Variants in ASAP2 observed in about 807,000 individuals in gnomAD.
ASAP2 encodes the protein ArfGAP with SH3 domain, ankyrin repeat and PH domain 2.
Under a neutral mutation model 131.4 loss-of-function variants are expected in ASAP2, and 45 were observed. The observed-to-expected ratio is 0.34, with a 90% confidence interval of 0.27 to 0.44. ASAP2 has a LOEUF of 0.44. Ranked by LOEUF, ASAP2 falls within the 20% of genes least tolerant of loss-of-function variation. The pLI, the probability that ASAP2 is intolerant of heterozygous loss-of-function variation, is 1.00. For synonymous variants in ASAP2, 510 were observed against 503.0 expected, an observed-to-expected ratio of 1.01 and a Z score of -0.19; for missense variants, 1,011 against 1,297.0, an observed-to-expected ratio of 0.78 and a Z score of 3.39.
chr2:9,400,590 C>G (rs1676578515), intron 25 of ASAP2, 152 bp from the exon 26 acceptor site: 3 of 693,374 alleles, frequency 4.3e-6, no homozygotes, highest in East Asian at 2.7e-5. Flanking sequence ...TCTCCAAGGT[C>G]TGCATCCAAG....
intron 1 of ASAP2, among the ~76,000 whole-genome samples, chr2:9,278,316 C>A (rs1666887017): frequency 6.6e-6 from 1 of 151,932 alleles, no homozygotes; most frequent in Non-Finnish European, 1.5e-5. Flanking sequence ...AGTTTGAGAC[C>A]ATCCTGTCTA....
intron 24 of ASAP2, among the ~76,000 whole-genome samples, chr2:9,397,727 G>GATATATATATATATATATAT (rs200560260): frequency 7.2e-5 from 6 of 83,526 alleles, no homozygotes; most frequent in African/African-American, 4.6e-4. Context: ...AAATCAAAAG[G>GATATATATATATATATATAT]ATATATATAT....
chr2:9,293,710 G>A (rs1667968681), intron 2 of ASAP2, among the ~76,000 whole-genome samples: 1 of 152,166 alleles, frequency 6.6e-6, no homozygotes, highest in South Asian at 2.1e-4. Context: ...CGTGCTAGGT[G>A]TTAGAGGAAG....
At position 9,391,208 on chromosome 2, in the gene ASAP2, T is replaced by G. The variant is rs554885506; in HGVS notation, c.2518+12T>G. The G allele has an allele frequency of 6.2e-6, 10 of 1,604,934 alleles. No individual in the cohort carries two copies. The highest frequency in any genetic ancestry group is 1.3e-5 in the African/African-American group (1 of 74,778). On this transcript the variant is annotated intron_variant, in intron 23 of 27. Transcript: ENST00000281419. ...CGTGACATCTACCAGTACGTTTTTTTCCTTTTTCCTTTCTTGCCCGTGGGC... is the reference window on the plus strand; with the variant it reads ...CGTGACATCTACCAGTACGTTTTTTGCCTTTTTCCTTTCTTGCCCGTGGGC...
chr2:9,224,387 A>T (rs1277026502), intron 1 of ASAP2, among the ~76,000 whole-genome samples: 1 of 152,238 alleles, frequency 6.6e-6, no homozygotes, highest in African/African-American at 2.4e-5. Flanking sequence ...GAATCCCAAC[A>T]TGATGCCTAG....
At chr2:9,346,621 G>A (rs538933873) in intron 11 of ASAP2, among the ~76,000 whole-genome samples, 13 of 152,236 alleles carry the variant, frequency 8.5e-5, no homozygotes, top group Non-Finnish European at 1.5e-4. Context: ...GTTTGCTTTC[G>A]AATTGGTGTC....
intron 2 of ASAP2, among the ~76,000 whole-genome samples, chr2:9,292,636 A>G (rs77097987): frequency 0.039 from 6,006 of 152,218 alleles, 295 homozygotes; most frequent in African/African-American, 0.11. Flanking sequence ...CTCCTTCTCT[A>G]CTCGACAAGT....
In ASAP2 at chr2:9,250,358, T is replaced by A. The variant is rs796113532; in HGVS notation, c.127-28959T>A. Reference sequence around the variant, plus strand: ...GAGGGGAAAGAACACGACATGTGAATACACAGCTGTCCCTAGGGCTCCTGG... The same window carrying A: ...GAGGGGAAAGAACACGACATGTGAAAACACAGCTGTCCCTAGGGCTCCTGG... On this transcript the variant is annotated intron_variant, in intron 1 of 27. Coordinates refer to ENST00000281419, the MANE Select transcript of ASAP2 (RefSeq NM_003887.3). Among the ~76,000 whole-genome samples, 7 of 152,156 alleles carry A rather than the reference T, an allele frequency of 4.6e-5. No homozygotes were observed. The South Asian group carries it at 1.5e-3, about 32-fold the overall frequency.
At chr2:9,255,397 A>T (rs1490559063) in intron 1 of ASAP2, among the ~76,000 whole-genome samples, 1 of 152,238 alleles carries the variant, frequency 6.6e-6, no homozygotes, top group African/African-American at 2.4e-5. Context: ...ACATATTCCT[A>T]GAAGCTGGGA....
At position 9,327,230 on chromosome 2, in the gene ASAP2, G is replaced by A. The variant is rs151110830; in HGVS notation, c.601-596G>A. 7.9e-5 allele frequency among the ~76,000 whole-genome samples: 12 copies of A among 152,194 alleles called. No homozygotes were observed. In the East Asian group the frequency reaches 2.3e-3, roughly 29 times the overall value. ...GAGATCATCTTCTGACAGCGGAGGG[G>A]ATGGGGACTCATGAAGTCCTTCTAT... On this transcript the variant is annotated intron_variant, in intron 6 of 27. Coordinates refer to ENST00000281419, the MANE Select transcript of ASAP2 (RefSeq NM_003887.3).
intron 1 of ASAP2, among the ~76,000 whole-genome samples, chr2:9,215,818 T>C (rs1661979498): frequency 6.6e-6 from 1 of 152,190 alleles, no homozygotes; most frequent in Admixed American, 6.5e-5. Context: ...GTTAGAATTA[T>C]GAGGCGCTAA....
chr2:9,325,317 G>A (rs1322196007), intron 6 of ASAP2, among the ~76,000 whole-genome samples: 3 of 152,206 alleles, frequency 2.0e-5, no homozygotes, highest in Non-Finnish European at 4.4e-5. Flanking sequence ...GGAAACTGCT[G>A]TGTGTTATAC....
chr2:9,392,185 T>C lies in ASAP2; in HGVS notation c.2518+989T>C, dbSNP rs954184186. ...TGTTTTCTTTAATATCAACATGTGGTTGAAAGTCCTGAAAACCTTGGGTAA... is the reference window on the plus strand; with the variant it reads ...TGTTTTCTTTAATATCAACATGTGGCTGAAAGTCCTGAAAACCTTGGGTAA... On this transcript the variant is annotated intron_variant, in intron 23 of 27. Coordinates refer to ENST00000281419, the MANE Select transcript of ASAP2 (RefSeq NM_003887.3). This position sits in a 1 kb window ranked among gnomAD's most constrained non-coding sequence, Gnocchi z 4.0. Among the ~76,000 whole-genome samples, 2 of 152,152 alleles carry C rather than the reference T, an allele frequency of 1.3e-5. No homozygotes were observed. Among genetic ancestry groups the C allele is most frequent in the African/African-American group, 4.8e-5 (2 of 41,442 alleles).
chr2:9,391,317 G>T, intron 23 of ASAP2, 121 bp downstream of exon 23: 1 of 1,348,112 alleles, frequency 7.4e-7, no homozygotes, highest in Non-Finnish European at 1.0e-6. Flanking sequence ...CGTGTTGTAT[G>T]GCTCCCTGTG....
At chr2:9,301,549 G>T (rs567936266) in intron 3 of ASAP2, among the ~76,000 whole-genome samples, 2 of 152,344 alleles carry the variant, frequency 1.3e-5, no homozygotes, top group East Asian at 3.9e-4. Context: ...ATGAAAGGCT[G>T]CATTTCAGGG....
chr2:9,346,474 G>T (rs889639874), intron 11 of ASAP2, among the ~76,000 whole-genome samples: 3 of 151,906 alleles, frequency 2.0e-5, no homozygotes, highest in African/African-American at 7.3e-5. Flanking sequence ...ATGCGTGGAT[G>T]TGAGGGTATG....
chr2:9,384,999 T>TA, intron 20 of ASAP2, among the ~76,000 whole-genome samples: 1 of 152,344 alleles, frequency 6.6e-6, no homozygotes, highest in East Asian at 1.9e-4. Flanking sequence ...ATTTGAGAGT[T>TA]ACGAGCCGGG....
intron 3 of ASAP2, among the ~76,000 whole-genome samples, chr2:9,317,202 C>T (rs1369910044): frequency 7.4e-6 from 1 of 135,532 alleles, no homozygotes. Flanking sequence ...CGCAATCACA[C>T]CCACTCACAT....
At chr2:9,315,838 T>C (rs1475540237) in intron 3 of ASAP2, among the ~76,000 whole-genome samples, 4 of 152,220 alleles carry the variant, frequency 2.6e-5, no homozygotes, top group African/African-American at 9.7e-5. Context: ...CTGATGACAT[T>C]GTACCTTGGA....
Sources: gnomAD v4.1 joint callset for allele counts (sites outside exome capture counted in the v4.1 genomes callset) on GRCh38, gnomAD v4.1.1 for gene constraint, Gnocchi (gnomAD v3.1) non-coding constraint, MANE v1.5 for transcripts, NCBI Gene and HGNC (gene_info 2026-07-23, HGNC 2026-07-21) for gene names.